The following KLHL29 variants were observed in gnomAD, a reference collection of about 807,000 sequenced individuals.
The protein encoded by KLHL29 is kelch like family member 29.
In KLHL29, 21 loss-of-function variants were observed where a neutral mutation model predicts 80.4. The observed-to-expected ratio is 0.26, with a 90% CI of 0.19 to 0.38. KLHL29 has a LOEUF of 0.38. KLHL29 is among the 10% of genes least tolerant of loss of function. The pLI is 1.00. For missense variants in KLHL29, 867 were observed against 1,223.9 expected, an observed-to-expected ratio of 0.71 and a Z score of 4.35; for synonymous variants, 511 against 526.8, an observed-to-expected ratio of 0.97 and a Z score of 0.41.
Position 23,596,888 on chromosome 2 carries a change from T to C in KLHL29, c.285+34407T>C, listed in dbSNP as rs769964827. 3.3e-5 allele frequency among the ~76,000 whole-genome samples: 5 copies of C among 152,194 alleles called. No homozygotes were observed. The highest frequency in any genetic ancestry group is 1.2e-4 in the African/African-American group (5 of 41,440). ...CTCATGGCACTCATGTAAGTGCTAC[T>C]TCTGGAGTGGTCCCAGCCAGATAGG... On this transcript the variant is annotated intron_variant, in intron 3 of 13. Coordinates refer to ENST00000486442, the MANE Select transcript of KLHL29 (RefSeq NM_052920.2). The surrounding 1 kb of genome is among the most constrained non-coding windows in gnomAD (Gnocchi z 4.4).
chr2:23,655,008 G>A (rs1670205164), intron 5 of KLHL29, among the ~76,000 whole-genome samples: 1 of 152,222 alleles, frequency 6.6e-6, no homozygotes, highest in South Asian at 2.1e-4. Flanking sequence ...GTCTCCTGCA[G>A]TCTCCTGGCT....
chr2:23,667,254 C>T (rs892068645), intron 5 of KLHL29: 1 of 152,232 alleles, frequency 6.6e-6, no homozygotes, highest in Non-Finnish European at 1.5e-5. Context: ...AAATTGCTGG[C>T]TCTTTGAGCT....
intron 2 of KLHL29, among the ~76,000 whole-genome samples, chr2:23,509,790 A>AC: frequency 6.6e-6 from 1 of 152,218 alleles, no homozygotes; most frequent in East Asian, 1.9e-4. Flanking sequence ...ACCCGCTGTG[A>AC]CCCGGGGGGT....
intron 2 of KLHL29, among the ~76,000 whole-genome samples, chr2:23,556,092 G>A (rs563633942): frequency 6.6e-6 from 1 of 152,370 alleles, no homozygotes; most frequent in East Asian, 1.9e-4. Context: ...ATTTGCTCCG[G>A]TTCTGTGAGG....
chr2:23,524,657 C>T (rs1014430452), intron 2 of KLHL29, among the ~76,000 whole-genome samples: 2 of 152,202 alleles, frequency 1.3e-5, no homozygotes, highest in Admixed American at 6.5e-5. Context: ...ACCTCTGATT[C>T]GATCTGTTCC....
chr2:23,415,976 G>A (rs532578217), intron 1 of KLHL29, among the ~76,000 whole-genome samples: 20 of 152,112 alleles, frequency 1.3e-4, no homozygotes, highest in Non-Finnish European at 2.9e-4. Flanking sequence ...ATAAGAAATT[G>A]GTGACACTAT....
At chr2:23,591,535 C>G (rs1003649540) in intron 3 of KLHL29, among the ~76,000 whole-genome samples, 6 of 150,950 alleles carry the variant, frequency 4.0e-5, no homozygotes, top group African/African-American at 1.5e-4. Context: ...ATGTCCCTGA[C>G]TCCTCCTGCT....
At chr2:23,415,548 G>T (rs1392843084) in intron 1 of KLHL29, among the ~76,000 whole-genome samples, 3 of 152,166 alleles carry the variant, frequency 2.0e-5, no homozygotes, top group African/African-American at 7.2e-5. Context: ...AAAAGACTAG[G>T]ACTTTAGTGC....
intron 2 of KLHL29, among the ~76,000 whole-genome samples, chr2:23,551,925 C>T (rs1208252530): frequency 1.3e-5 from 2 of 152,280 alleles, no homozygotes; most frequent in Non-Finnish European, 2.9e-5. Context: ...GGCCACTATG[C>T]CCAGCCCTGG....
chr2:23,411,181 TCTC>T, intron 1 of KLHL29, among the ~76,000 whole-genome samples: 1 of 152,114 alleles, frequency 6.6e-6, no homozygotes. Flanking sequence ...GATGTCCAAA[TCTC>T]CTGTGAGGCC....
chr2:23,417,212 C>T (rs1666998488), intron 1 of KLHL29, among the ~76,000 whole-genome samples: 1 of 152,126 alleles, frequency 6.6e-6, no homozygotes, highest in African/African-American at 2.4e-5. Context: ...AACCTTTTAA[C>T]TCATCTCCTG....
chr2:23,563,121 A>G (rs1488200873), intron 3 of KLHL29, among the ~76,000 whole-genome samples: 1 of 152,248 alleles, frequency 6.6e-6, no homozygotes, highest in East Asian at 1.9e-4. Flanking sequence ...AGCTGGCTTC[A>G]GGGATGTCAG....
intron 1 of KLHL29, among the ~76,000 whole-genome samples, chr2:23,433,370 T>C (rs1413628857): frequency 6.6e-6 from 1 of 152,064 alleles, no homozygotes; most frequent in East Asian, 1.9e-4. Flanking sequence ...CTGGGCAATT[T>C]TTCTGACTTT....
intron 2 of KLHL29, among the ~76,000 whole-genome samples, chr2:23,555,651 G>T (rs72780329): frequency 6.6e-6 from 1 of 152,196 alleles, no homozygotes; most frequent in Non-Finnish European, 1.5e-5. Flanking sequence ...GACACTTTTT[G>T]GTGAGCAGGT....
intron 3 of KLHL29, among the ~76,000 whole-genome samples, chr2:23,636,815 C>T (rs1669623271): frequency 6.6e-6 from 1 of 152,186 alleles, no homozygotes; most frequent in Admixed American, 6.5e-5. Context: ...TTTAGGGTGA[C>T]CGTTGGAACT....
chr2:23,606,397 C>T (rs1355701255), intron 3 of KLHL29, among the ~76,000 whole-genome samples: 1 of 152,022 alleles, frequency 6.6e-6, no homozygotes, highest in East Asian at 1.9e-4. Flanking sequence ...GATTGCAAGG[C>T]GCCCTTCCTG....
chr2:23,514,848 A>C (rs1665874550), intron 2 of KLHL29, among the ~76,000 whole-genome samples: 1 of 152,112 alleles, frequency 6.6e-6, no homozygotes, highest in African/African-American at 2.4e-5. Context: ...TTCCACCCGG[A>C]ATGCTCTTTT....
intron 1 of KLHL29, among the ~76,000 whole-genome samples, chr2:23,421,766 GTC>G: frequency 7.0e-6 from 1 of 143,042 alleles, no homozygotes; most frequent in East Asian, 1.9e-4. Flanking sequence ...GTGTGTGTGT[GTC>G]TGTGTGCATA....
intron 2 of KLHL29, among the ~76,000 whole-genome samples, chr2:23,491,072 T>A (rs1439799381): frequency 6.6e-6 from 1 of 152,168 alleles, no homozygotes; most frequent in Non-Finnish European, 1.5e-5. Context: ...CATCTAGGTT[T>A]TAAGCCCTGC....
Sources: allele counts gnomAD v4.1 joint callset (sites outside exome capture counted in the v4.1 genomes callset), GRCh38; gene constraint gnomAD v4.1.1; non-coding constraint Gnocchi (gnomAD v3.1); transcripts MANE v1.5; gene names NCBI Gene and HGNC (gene_info 2026-07-23, HGNC 2026-07-21).